Variants in TENT2 observed in about 807,000 individuals in gnomAD.
TENT2 encodes the protein poly(A) RNA polymerase GLD2.
In TENT2, 44 loss-of-function variants were observed where a neutral mutation model predicts 72.2. The observed-to-expected ratio is 0.61, with a 90% CI of 0.48 to 0.78. The LOEUF is 0.78. Among genes scored for constraint, TENT2 ranks in the 30% least tolerant of loss-of-function variants. TENT2 has a pLI of 0.00. For synonymous variants in TENT2, 212 were observed against 192.5 expected (o/e 1.10, Z -0.84); for missense variants, 541 against 569.6 (o/e 0.95, Z 0.51).
At chr5:79,626,270 G>A (rs1159000174) in intron 4 of TENT2, among the ~76,000 whole-genome samples, 4 of 151,290 alleles carry the variant, frequency 2.6e-5, no homozygotes, top group Admixed American at 2.0e-4. Context: ...TGAGTAGCTG[G>A]GACTATCGAT....
intron 4 of TENT2, among the ~76,000 whole-genome samples, chr5:79,638,815 G>T (rs1242940796): frequency 2.6e-5 from 4 of 152,056 alleles, no homozygotes; most frequent in Non-Finnish European, 4.4e-5. Context: ...TGATCTCTTT[G>T]ATTTATTCTC....
At chr5:79,659,553 A>ATATATATATATAT (rs1311221056) in intron 11 of TENT2, among the ~76,000 whole-genome samples, 1 of 26,858 alleles carries the variant, frequency 3.7e-5, no homozygotes, top group Non-Finnish European at 5.6e-5. Context: ...AAAAAAAAAA[A>ATATATATATATAT]ATGTATATAT....
In TENT2 at chr5:79,649,160, C is replaced by A. The variant is rs1273244234; in HGVS notation, c.997C>A (p.Leu333Ile). The A allele has an allele frequency of 1.2e-6, 2 of 1,613,276 alleles. No individual in the cohort carries two copies. Among genetic ancestry groups the A allele is most frequent in the Non-Finnish European group, 1.7e-6 (2 of 1,179,644 alleles). The change falls in exon 10 of 15, where the codon CTT becomes ATT. Residue 333 changes from leucine (L) to isoleucine (I), a missense_variant. By Grantham distance (5) the Leu-to-Ile change is conservative. Coordinates refer to ENST00000453514, the MANE Select transcript of TENT2 (RefSeq NM_001114394.3). ...ASRGTLSSYS[L>I]VLMVLHYLQT... ...TCGTGGTACTTTAAGCAGCTATAGT[C>A]TTGTATTGATGGTTTTGCACTATTT...
intron 10 of TENT2, among the ~76,000 whole-genome samples, chr5:79,655,413 A>G (rs1004709513): frequency 1.3e-5 from 2 of 152,162 alleles, no homozygotes; most frequent in Non-Finnish European, 2.9e-5. Context: ...AATGAGATAA[A>G]GGTTTTTTAT....
intron 14 of TENT2, among the ~76,000 whole-genome samples, chr5:79,682,585 G>T (rs747831227): frequency 4.6e-5 from 7 of 151,492 alleles, no homozygotes; most frequent in Non-Finnish European, 1.0e-4. Flanking sequence ...ATGCCCTACC[G>T]AAATAAGCAT....
At chr5:79,662,760 G>T (rs1304001370) in intron 11 of TENT2, among the ~76,000 whole-genome samples, 2 of 152,158 alleles carry the variant, frequency 1.3e-5, no homozygotes, top group Non-Finnish European at 2.9e-5. Flanking sequence ...AGGGCCCTGG[G>T]ATTTTGGAAT....
At position 79,656,961 on chromosome 5, in the gene TENT2, T is replaced by A. The variant is rs1461909714; in HGVS notation, c.1031T>A (p.Leu344Gln). Reference sequence around the variant, plus strand: ...TTTAAACTTTTTCTTTTTATAGCCCTACCTGAACCCATCCTTCCATCCCTC... The same window carrying A: ...TTTAAACTTTTTCTTTTTATAGCCCAACCTGAACCCATCCTTCCATCCCTC... ...VLMVLHYLQTLPEPILPSLQK... is the reference protein window; with the variant it reads ...VLMVLHYLQTQPEPILPSLQK... The change falls in exon 11 of 15, where the codon CTA becomes CAA. Residue 344 changes from leucine to glutamine, a missense_variant. By Grantham distance (113) the Leu-to-Gln change is moderately radical. Transcript: ENST00000453514. The A allele has an allele frequency of 3.1e-6, 5 of 1,604,928 alleles. No homozygotes were observed. Among genetic ancestry groups the A allele is most frequent in the South Asian group, 1.1e-5 (1 of 89,980 alleles).
chr5:79,685,357 G>A lies in TENT2; in HGVS notation c.*84G>A. On this transcript the variant is annotated 3_prime_UTR_variant, in exon 15 of 15. Coordinates refer to ENST00000453514, the MANE Select transcript of TENT2 (RefSeq NM_001114394.3). ...ATACATTATGTTTACCTCCATCATA[G>A]TTGCTTTTTTCATAGTTCTTGTTTT... 2.0e-6 allele frequency: 2 copies of A among 985,612 alleles called. No individual in the cohort carries two copies. Among genetic ancestry groups the A allele is most frequent in the Non-Finnish European group, 2.9e-6 (2 of 684,792 alleles). 61.1% of individuals were successfully genotyped at this position (985,612 alleles called of 1,614,324 possible).
intron 4 of TENT2, among the ~76,000 whole-genome samples, chr5:79,625,894 A>G (rs1769250025): frequency 6.6e-6 from 1 of 151,466 alleles, no homozygotes; most frequent in Non-Finnish European, 1.5e-5. Flanking sequence ...CAGTGGTGCG[A>G]TCTCGGCTCA....
At chr5:79,659,222 G>C (rs1800188647) in intron 11 of TENT2, among the ~76,000 whole-genome samples, 5 of 151,856 alleles carry the variant, frequency 3.3e-5, no homozygotes, top group Admixed American at 1.3e-4. Context: ...GAACAAACAA[G>C]TCAGCTTGTT....
At chr5:79,634,808 G>C (rs1020092561) in intron 4 of TENT2, among the ~76,000 whole-genome samples, 1 of 151,774 alleles carries the variant, frequency 6.6e-6, no homozygotes, top group Non-Finnish European at 1.5e-5. Context: ...TAGTGATTTA[G>C]ACAAGTTTAA....
chr5:79,668,083 T>G (rs971319589), intron 11 of TENT2, among the ~76,000 whole-genome samples: 3 of 152,192 alleles, frequency 2.0e-5, no homozygotes, highest in East Asian at 3.9e-4. Context: ...TGATAGTACA[T>G]TTAGTATATT....
intron 4 of TENT2, 36 bp downstream of exon 4, chr5:79,623,525 G>A (rs1320990985): frequency 1.1e-5 from 16 of 1,408,302 alleles, no homozygotes; most frequent in Non-Finnish European, 1.6e-5. Flanking sequence ...TGCCTTTTGG[G>A]AATTTAGTAT....
chr5:79,637,558 C>G lies in TENT2; in HGVS notation c.466-3293C>G, dbSNP rs1031361530. 5.3e-5 allele frequency among the ~76,000 whole-genome samples: 8 copies of G among 152,248 alleles called. No homozygotes were observed. The South Asian group carries it at 1.2e-3, about 24-fold the overall frequency. On this transcript the variant is annotated intron_variant, in intron 4 of 14. Coordinates refer to ENST00000453514, the MANE Select transcript of TENT2 (RefSeq NM_001114394.3). ...CCTCCTGCTTCAGCCTCCCTAGTAG[C>G]TGAGACGACAGGCACGCATCACCAT...
chr5:79,677,448 A>G (rs1411911620), intron 12 of TENT2, among the ~76,000 whole-genome samples: 1 of 152,264 alleles, frequency 6.6e-6, no homozygotes, highest in Non-Finnish European at 1.5e-5. Context: ...TGGTAAAGAT[A>G]GAATTTTTGA....
chr5:79,673,006 C>G (rs1048662727), intron 12 of TENT2, among the ~76,000 whole-genome samples: 3 of 152,084 alleles, frequency 2.0e-5, no homozygotes, highest in African/African-American at 7.2e-5. Flanking sequence ...TGAGATGATA[C>G]CTCATTGCAG....
At chr5:79,664,386 T>G (rs1042900246) in intron 11 of TENT2, among the ~76,000 whole-genome samples, 6 of 152,104 alleles carry the variant, frequency 3.9e-5, no homozygotes, top group African/African-American at 1.2e-4. Context: ...CACAAGGTAA[T>G]GAGATCGAGA....
At chr5:79,634,560 A>T (rs1355376108) in intron 4 of TENT2, among the ~76,000 whole-genome samples, 1 of 152,040 alleles carries the variant, frequency 6.6e-6, no homozygotes, top group East Asian at 1.9e-4. Context: ...GCTGGTCTCG[A>T]ACTCCTGACC....
Position 79,685,630 on chromosome 5 carries a change from A to C in TENT2, c.*357A>C, listed in dbSNP as rs1825812894. ...CTGAAGAGATGTGTAGAATTTTGGAAAGGGTCTAATTCATACATGCTTAAA... is the reference window on the plus strand; with the variant it reads ...CTGAAGAGATGTGTAGAATTTTGGACAGGGTCTAATTCATACATGCTTAAA... On this transcript the variant is annotated 3_prime_UTR_variant, in exon 15 of 15. Transcript: ENST00000453514. 5.7e-6 allele frequency: 1 copy of C among 174,874 alleles called. No homozygotes were observed. The highest frequency in any genetic ancestry group is 1.7e-4 in the East Asian group (1 of 5,728). 10.8% of individuals were successfully genotyped at this position (174,874 alleles called of 1,614,324 possible). A position where few individuals can be genotyped will look rare whatever the true frequency, so the allele number is the denominator to read the frequency against.
Sources: allele counts gnomAD v4.1 joint callset (sites outside exome capture counted in the v4.1 genomes callset), GRCh38; gene constraint gnomAD v4.1.1; transcripts MANE v1.5; gene names NCBI Gene and HGNC (gene_info 2026-07-23, HGNC 2026-07-21).